Variants in TBL1X observed in about 807,000 individuals in gnomAD.
The protein encoded by TBL1X is transducin beta like 1 X-linked.
In TBL1X, 10 loss-of-function variants were observed where a neutral mutation model predicts 50.7. The ratio of observed to expected loss-of-function variants is 0.20; its 90% CI spans 0.12 to 0.33. The LOEUF is 0.33. Among genes scored for constraint, TBL1X ranks in the 10% least tolerant of loss-of-function variants. The pLI, the probability that TBL1X is intolerant of heterozygous loss-of-function variation, is 1.00. For synonymous variants in TBL1X, 190 were observed against 214.7 expected, an observed-to-expected ratio of 0.88 and a Z score of 1.01; for missense variants, 340 against 504.4, an observed-to-expected ratio of 0.67 and a Z score of 3.12.
Position 9,684,278 on chromosome X carries a change from C to G in TBL1X, c.357+90C>G, listed in dbSNP as rs770527019. 2.7e-6 allele frequency: 3 copies of G among 1,126,266 alleles called. No homozygotes were observed. The African/African-American group carries it at 5.4e-5, about 20-fold the overall frequency. The allele number at this position is 1,126,266 out of a possible 1,213,427, so 92.8% of individuals were successfully genotyped here. On this transcript the variant is annotated intron_variant, in intron 6 of 17. Transcript: ENST00000645353. ...ACATTGGAAGCTAACATGCATTTCC[C>G]TCAGGCATTTGGGATTAATTCCGCG...
chrX:9,648,541 TCTC>T (rs781616008), intron 3 of TBL1X, among the ~76,000 whole-genome samples: 2 of 112,203 alleles, frequency 1.8e-5, no homozygotes, highest in East Asian at 2.8e-4. Context: ...CCTGTGCTTC[TCTC>T]CTCTTTCTCT....
chrX:9,680,880 G>A (rs1001484382), intron 5 of TBL1X, among the ~76,000 whole-genome samples: 6 of 112,201 alleles, frequency 5.3e-5, no homozygotes, highest in Non-Finnish European at 7.5e-5. Flanking sequence ...TTGTCATTGT[G>A]CATCTGCACA....
intron 2 of TBL1X, among the ~76,000 whole-genome samples, chrX:9,575,878 T>G (rs576039462): frequency 1.8e-4 from 20 of 111,662 alleles, no homozygotes; most frequent in African/African-American, 6.5e-4. Flanking sequence ...TTTATGAGCT[T>G]GGGACCTTTT....
intron 12 of TBL1X, among the ~76,000 whole-genome samples, chrX:9,702,717 A>G (rs1430541675): frequency 1.8e-5 from 2 of 111,859 alleles, no homozygotes; most frequent in Non-Finnish European, 3.8e-5. Context: ...CCCTAGAAGC[A>G]ATGCTTCATT....
chrX:9,466,854 C>T (rs923165245), intron 1 of TBL1X, among the ~76,000 whole-genome samples: 1 of 112,416 alleles, frequency 8.9e-6, no homozygotes, highest in Non-Finnish European at 1.9e-5. Context: ...TGGAAAGCCA[C>T]CAAGCTGGGT....
intron 5 of TBL1X, among the ~76,000 whole-genome samples, chrX:9,654,628 T>C (rs977023305): frequency 9.0e-6 from 1 of 111,468 alleles, no homozygotes; most frequent in Non-Finnish European, 1.9e-5. Flanking sequence ...GGCGAGGGCA[T>C]GCATGAGCTG....
At chrX:9,556,207 A>AC (rs1434204669) in intron 2 of TBL1X, among the ~76,000 whole-genome samples, 395 of 104,480 alleles carry the variant, frequency 3.8e-3, no homozygotes, top group Non-Finnish European at 5.4e-3. Flanking sequence ...AAACAAAACA[A>AC]AACAAAAAAA....
chrX:9,612,624 T>G (rs1188314368), intron 2 of TBL1X, among the ~76,000 whole-genome samples: 3 of 112,152 alleles, frequency 2.7e-5, no homozygotes, highest in Non-Finnish European at 3.8e-5. Context: ...ATATTTTATG[T>G]TCTTTCTTTT....
At position 9,706,025 on chromosome X, in the gene TBL1X, G is replaced by T. The variant is rs149478810; in HGVS notation, c.1236+911G>T. ...AGCAGGGGCAAGAGGTGGGAGGAGT[G>T]GGGGGGGTGTCACATACTTTTAAAG... is the stretch of plus-strand genomic sequence containing the variant. On this transcript the variant is annotated intron_variant, in intron 13 of 17. Coordinates refer to ENST00000645353, the MANE Select transcript of TBL1X (RefSeq NM_005647.4). Among the ~76,000 whole-genome samples, 7 of 109,748 alleles carry T rather than the reference G, an allele frequency of 6.4e-5. No homozygotes were observed. The East Asian group carries it at 8.7e-4, about 14-fold the overall frequency.
intron 6 of TBL1X, among the ~76,000 whole-genome samples, chrX:9,685,957 C>T (rs1043094346): frequency 9.0e-6 from 1 of 111,107 alleles, no homozygotes; most frequent in Admixed American, 9.5e-5. Context: ...GATCCTCCCG[C>T]GATCCTCCCG....
chrX:9,490,635 A>G (rs1185103591), intron 1 of TBL1X, among the ~76,000 whole-genome samples: 1 of 112,415 alleles, frequency 8.9e-6, no homozygotes, highest in East Asian at 2.8e-4. Flanking sequence ...GATTCTTTCC[A>G]TATAAGTAGA....
chrX:9,601,745 ATATTGACAC>A (rs1220673266), intron 2 of TBL1X, among the ~76,000 whole-genome samples: 1 of 111,871 alleles, frequency 8.9e-6, no homozygotes, highest in Non-Finnish European at 1.9e-5. Flanking sequence ...TTAGATAGAA[ATATTGACAC>A]TATTGACACT....
At chrX:9,710,216 C>CAAAAAA (rs35056016) in intron 15 of TBL1X, among the ~76,000 whole-genome samples, 1 of 55,141 alleles carries the variant, frequency 1.8e-5, no homozygotes, top group African/African-American at 7.0e-5. Flanking sequence ...GACCATGTCT[C>CAAAAAA]AAAAAAAAAA....
chrX:9,478,877 A>G (rs934210520), intron 1 of TBL1X, among the ~76,000 whole-genome samples: 5 of 112,532 alleles, frequency 4.4e-5, no homozygotes, highest in African/African-American at 1.6e-4. Context: ...CCATCCCCTT[A>G]GTTAAGGCTT....
intron 2 of TBL1X, among the ~76,000 whole-genome samples, chrX:9,547,753 A>G (rs1304429267): frequency 9.3e-6 from 1 of 107,396 alleles, no homozygotes; most frequent in Non-Finnish European, 1.9e-5. Flanking sequence ...AAAACCAGGA[A>G]CTGAGAACTG....
At chrX:9,557,009 A>G (rs1224980872) in intron 2 of TBL1X, among the ~76,000 whole-genome samples, 1 of 111,405 alleles carries the variant, frequency 9.0e-6, no homozygotes, top group Non-Finnish European at 1.9e-5. Context: ...TTACTTTTTT[A>G]AAAGATGAAC....
At chrX:9,495,243 T>A (rs1267444788) in intron 1 of TBL1X, among the ~76,000 whole-genome samples, 1 of 111,605 alleles carries the variant, frequency 9.0e-6, no homozygotes, top group Non-Finnish European at 1.9e-5. Context: ...GCAGCTATCC[T>A]ACAAGTATGT....
intron 1 of TBL1X, among the ~76,000 whole-genome samples, chrX:9,491,321 TATATATATATATATATA>T (rs1353889299): frequency 1.5e-4 from 5 of 33,115 alleles, no homozygotes; most frequent in African/African-American, 3.5e-4. Context: ...TATATATATA[TATATATATATATATATA>T]TTTTTTTTTT....
intron 15 of TBL1X, among the ~76,000 whole-genome samples, chrX:9,710,842 A>G (rs1458914463): frequency 2.7e-5 from 3 of 112,122 alleles, no homozygotes; most frequent in South Asian, 3.7e-4. Context: ...TGGCCTCCCA[A>G]AGTACTAGGA....
Sources: gnomAD v4.1 joint callset for allele counts (sites outside exome capture counted in the v4.1 genomes callset) on GRCh38, gnomAD v4.1.1 for gene constraint, MANE v1.5 for transcripts, NCBI Gene and HGNC (gene_info 2026-07-23, HGNC 2026-07-21) for gene names.